QTMAN: variants seen among roughly 807,000 people sequenced by gnomAD.
The protein encoded by QTMAN is queuosine-tRNA mannosyltransferase.
At chr2:144,286,398 T>C in the QTMAN span, among the ~76,000 whole-genome samples, 4 of 152,246 alleles carry the variant, frequency 2.6e-5, no homozygotes, top group Admixed American at 6.5e-5. Flanking sequence ...AGTAAACTTA[T>C]ATGATAATTT....
chr2:144,015,775 G>C, the QTMAN span, among the ~76,000 whole-genome samples: 2 of 152,184 alleles, frequency 1.3e-5, no homozygotes, highest in African/African-American at 4.8e-5. Flanking sequence ...CAAGCAACAG[G>C]TTATGTTGAA....
At chr2:143,994,447 A>G in the QTMAN span, among the ~76,000 whole-genome samples, 202 of 152,316 alleles carry the variant, frequency 1.3e-3, no homozygotes, top group South Asian at 3.5e-3. Context: ...CAAATGTACC[A>G]AGAGCATTAT....
At chr2:144,205,511 T>C in the QTMAN span, among the ~76,000 whole-genome samples, 1 of 152,042 alleles carries the variant, frequency 6.6e-6, no homozygotes, top group East Asian at 1.9e-4. Context: ...CCTAACTAAT[T>C]TAAGTCAATG....
the QTMAN span, among the ~76,000 whole-genome samples, chr2:144,103,989 C>A: frequency 2.6e-5 from 4 of 152,110 alleles, no homozygotes; most frequent in African/African-American, 9.7e-5. Context: ...ACTCAGGAGG[C>A]TGAGGCACGA....
chr2:144,154,545 C>T, the QTMAN span, among the ~76,000 whole-genome samples: 1 of 152,014 alleles, frequency 6.6e-6, no homozygotes, highest in Non-Finnish European at 1.5e-5. Flanking sequence ...AAGTAGAGTG[C>T]CCAGTAGGTA....
At chr2:144,177,246 T>C in the QTMAN span, 1 of 597,358 alleles carries the variant, frequency 1.7e-6, no homozygotes, top group Non-Finnish European at 2.9e-6. Flanking sequence ...TTTATCTTGA[T>C]CCCAATAAAA....
the QTMAN span, among the ~76,000 whole-genome samples, chr2:144,086,050 C>A: frequency 6.6e-6 from 1 of 152,114 alleles, no homozygotes; most frequent in Admixed American, 6.5e-5. Context: ...CATACATTTA[C>A]AAAGGCCCCA....
chr2:143,952,098 T>C, the QTMAN span: 1 of 1,394,196 alleles, frequency 7.2e-7, no homozygotes, highest in Middle Eastern at 1.8e-4. Context: ...GATACATTTT[T>C]AATGAAACAA....
At chr2:143,947,159 A>C in the QTMAN span, 1 of 1,539,072 alleles carries the variant, frequency 6.5e-7, no homozygotes, top group African/African-American at 1.4e-5. Flanking sequence ...GAGGGAGAGA[A>C]GAGAAAGAAG....
the QTMAN span, among the ~76,000 whole-genome samples, chr2:144,095,661 C>T: frequency 6.6e-6 from 1 of 152,040 alleles, no homozygotes; most frequent in Non-Finnish European, 1.5e-5. Context: ...TCTAGGTATT[C>T]CTGGTTAAAA....
At chr2:144,292,656 TTA>T in the QTMAN span, among the ~76,000 whole-genome samples, 1 of 152,140 alleles carries the variant, frequency 6.6e-6, no homozygotes, top group Non-Finnish European at 1.5e-5. Context: ...CCCAAAAAAT[TTA>T]TAGAGTCACC....
chr2:144,103,699 A>G, the QTMAN span, among the ~76,000 whole-genome samples: 8 of 152,260 alleles, frequency 5.3e-5, no homozygotes, highest in African/African-American at 1.9e-4. Flanking sequence ...CAATTTGTAG[A>G]AACAATTTAG....
chr2:143,972,503 A>G, the QTMAN span, among the ~76,000 whole-genome samples: 1 of 151,862 alleles, frequency 6.6e-6, no homozygotes, highest in Non-Finnish European at 1.5e-5. Context: ...TGGAGTTGGG[A>G]GGAGGTTTAA....
chr2:144,168,524 T>A, the QTMAN span, among the ~76,000 whole-genome samples: 1 of 152,128 alleles, frequency 6.6e-6, no homozygotes, highest in Non-Finnish European at 1.5e-5. Context: ...GGGACGAGGA[T>A]ACAGAAGAAA....
At chr2:144,041,746 G>A in the QTMAN span, among the ~76,000 whole-genome samples, 8 of 152,276 alleles carry the variant, frequency 5.3e-5, no homozygotes, top group East Asian at 1.5e-3. Flanking sequence ...AGAGCATGCT[G>A]CAAGCTTGTA....
the QTMAN span, among the ~76,000 whole-genome samples, chr2:144,146,666 T>C: frequency 1.3e-5 from 2 of 151,840 alleles, no homozygotes; most frequent in Non-Finnish European, 2.9e-5. Flanking sequence ...CCTGGAAATG[T>C]TTCCCTAATA....
chr2:144,178,799 G>T, the QTMAN span: 1 of 353,626 alleles, frequency 2.8e-6, no homozygotes. Flanking sequence ...TTGGATACTA[G>T]AAATAATCAA....
chr2:144,178,861 A>T, the QTMAN span: 2 of 383,798 alleles, frequency 5.2e-6, no homozygotes, highest in Non-Finnish European at 1.1e-5. Flanking sequence ...AGGAAGCTGG[A>T]TCCAGGCTTC....
the QTMAN span, among the ~76,000 whole-genome samples, chr2:143,963,414 TATC>T: frequency 3.9e-5 from 6 of 152,076 alleles, no homozygotes; most frequent in African/African-American, 1.2e-4. Flanking sequence ...TAAATTGTGT[TATC>T]ATAAGTTTGT....
Sources: gnomAD v4.1 joint callset for allele counts (sites outside exome capture counted in the v4.1 genomes callset) on GRCh38, gnomAD v4.1.1 for gene constraint, MANE v1.5 for transcripts, NCBI Gene and HGNC (gene_info 2026-07-23, HGNC 2026-07-21) for gene names.